MYLK: variants seen among roughly 807,000 people sequenced by gnomAD.
MYLK encodes the protein myosin light chain kinase, also known as myosin light chain kinase, smooth muscle.
Under a neutral mutation model 203.4 loss-of-function variants are expected in MYLK, and 106 were observed. That is an observed-to-expected ratio of 0.52 (90% CI 0.45 to 0.61). The LOEUF (loss-of-function observed/expected upper bound fraction) is 0.61. Ranked by LOEUF, MYLK falls within the 20% of genes least tolerant of loss-of-function variation. The pLI is 0.00. For synonymous variants in MYLK, 867 were observed against 959.5 expected (o/e 0.90, Z 1.78); for missense variants, 2,072 against 2,442.3 (o/e 0.85, Z 3.20).
At chr3:123,722,061 G>A in intron 13 of MYLK, 67 bp downstream of exon 13, 1 of 1,539,500 alleles carries the variant, frequency 6.5e-7, no homozygotes, top group Non-Finnish European at 8.8e-7. Context: ...CTACAAATGT[G>A]CCCTTCCTCC....
At chr3:123,675,921 T>A (rs1055600375) in intron 20 of MYLK, among the ~76,000 whole-genome samples, 1 of 152,216 alleles carries the variant, frequency 6.6e-6, no homozygotes, top group Non-Finnish European at 1.5e-5. Flanking sequence ...ATATTGGTCA[T>A]TTTCCCAGAA....
At chr3:123,674,246 C>T (rs1163888554) in intron 20 of MYLK, among the ~76,000 whole-genome samples, 2 of 152,210 alleles carry the variant, frequency 1.3e-5, no homozygotes, top group East Asian at 3.8e-4. Context: ...TCTACACCAA[C>T]TAAGTACCTC....
At chr3:123,795,285 G>C (rs1210873295) in intron 3 of MYLK, among the ~76,000 whole-genome samples, 2 of 152,158 alleles carry the variant, frequency 1.3e-5, no homozygotes, top group Non-Finnish European at 2.9e-5. Flanking sequence ...ATTGATGTAT[G>C]ACTTACATAA....
chr3:123,701,037 C>G (rs1333920809), intron 17 of MYLK, 32 bp from the exon 18 acceptor site: 8 of 1,598,134 alleles, frequency 5.0e-6, no homozygotes, highest in Non-Finnish European at 6.8e-6. Context: ...AGGAAAGTAG[C>G]AGGAGGAAAA....
At chr3:123,774,391 C>T (rs1012460152) in intron 4 of MYLK, among the ~76,000 whole-genome samples, 3 of 151,934 alleles carry the variant, frequency 2.0e-5, no homozygotes, top group Non-Finnish European at 2.9e-5. Flanking sequence ...CGGGGTTGGG[C>T]GTTCATTCTC....
At chr3:123,674,210 C>G (rs1248485371) in intron 20 of MYLK, among the ~76,000 whole-genome samples, 1 of 152,108 alleles carries the variant, frequency 6.6e-6, no homozygotes. Context: ...CCCTCCCTGC[C>G]CATATCCACT....
In MYLK at chr3:123,708,757, G is replaced by T. The variant is rs768309112; in HGVS notation, c.2081C>A (p.Thr694Asn). Residue 694 changes from threonine (T) to asparagine (N), a missense_variant, in exon 15 of 34, where the codon ACC becomes AAC. Physicochemically the swap from Thr to Asn is moderately conservative, Grantham distance 65 (BLOSUM62 0). Coordinates refer to ENST00000360304, the MANE Select transcript of MYLK (RefSeq NM_053025.4). ...EVFPEDTGTYTCEAWNSAGEV... is the reference protein window; with the variant it reads ...EVFPEDTGTYNCEAWNSAGEV... ...TCCAGCGCTGTTCCAGGCCTCGCAGGTGTACGTGCCCGTGTCCTCCGGGAA... is the reference window on the plus strand; with the variant it reads ...TCCAGCGCTGTTCCAGGCCTCGCAGTTGTACGTGCCCGTGTCCTCCGGGAA... 1 of 1,614,194 alleles carries T rather than the reference G, an allele frequency of 6.2e-7. No homozygotes were observed. The highest frequency in any genetic ancestry group is 8.5e-7 in the Non-Finnish European group (1 of 1,180,036).
chr3:123,648,917 G>T lies in MYLK; in HGVS notation c.4415+54C>A, dbSNP rs1490845730. 30 of 1,492,808 alleles carry T rather than the reference G, an allele frequency of 2.0e-5. No homozygotes were observed. The highest frequency in any genetic ancestry group is 2.4e-5 in the Non-Finnish European group (26 of 1,071,270). The allele number at this position is 1,492,808 out of a possible 1,614,324, so 92.5% of individuals were successfully genotyped here. On this transcript the variant is annotated intron_variant, in intron 26 of 33. Coordinates refer to ENST00000360304, the MANE Select transcript of MYLK (RefSeq NM_053025.4). The surrounding 1 kb of genome is among the most constrained non-coding windows in gnomAD (Gnocchi z 4.5). Reference sequence around the variant, plus strand: ...GCTGAGGCACTGAATCTAACTGTGAGACCCGCACCACCCTCACCCTGGGAG... The same window carrying T: ...GCTGAGGCACTGAATCTAACTGTGATACCCGCACCACCCTCACCCTGGGAG...
At chr3:123,772,531 T>C (rs1332912115) in intron 4 of MYLK, among the ~76,000 whole-genome samples, 1 of 152,100 alleles carries the variant, frequency 6.6e-6, no homozygotes, top group African/African-American at 2.4e-5. Flanking sequence ...ATGACACTAA[T>C]AGTGGAAAGC....
Position 123,629,535 on chromosome 3 carries a change from A to G in MYLK, c.5053T>C (p.Phe1685Leu), listed in dbSNP as rs781190664. ...TTGGCATCGTCGGAGATCTCATCGA[A>G]TGCCTCGTCGTCGAAGTCCCAGGTG... Reference protein sequence around the residue: ...SATWDFDDEAFDEISDDAKDF... With the variant: ...SATWDFDDEALDEISDDAKDF... The change falls in exon 30 of 34, where the codon TTC (phenylalanine) becomes CTC (leucine). Residue 1685 changes from phenylalanine (F) to leucine (L), a missense_variant. By Grantham distance (22) the Phe-to-Leu change is conservative. Coordinates refer to ENST00000360304, the MANE Select transcript of MYLK (RefSeq NM_053025.4). The surrounding 1 kb of genome is among the most constrained non-coding windows in gnomAD (Gnocchi z 4.4). 10 of 1,614,040 alleles carry G rather than the reference A, an allele frequency of 6.2e-6. No homozygotes were observed. Among genetic ancestry groups the G allele is most frequent in the Non-Finnish European group, 8.5e-6 (10 of 1,180,034 alleles).
Position 123,657,443 on chromosome 3 carries a change from G to A in MYLK, c.3986-15C>T. On this transcript the variant is annotated splice_polypyrimidine_tract_variant and intron_variant, in intron 23 of 33. Transcript: ENST00000360304. ...GTCTGGCTTATCTGGGGATAAAGAA[G>A]CACAACATCACCCACACTTTCCAGA... 4 of 1,612,260 alleles carry A rather than the reference G, an allele frequency of 2.5e-6. No homozygotes were observed. Among genetic ancestry groups the A allele is most frequent in the Non-Finnish European group, 3.4e-6 (4 of 1,179,782 alleles).
chr3:123,858,681 A>C (rs1324852394), intron 2 of MYLK, among the ~76,000 whole-genome samples: 1 of 152,002 alleles, frequency 6.6e-6, no homozygotes, highest in African/African-American at 2.4e-5. Flanking sequence ...TAACCTATTA[A>C]TCCATTAATC....
At chr3:123,767,600 C>CT (rs1255148124) in intron 4 of MYLK, among the ~76,000 whole-genome samples, 8 of 152,308 alleles carry the variant, frequency 5.3e-5, no homozygotes, top group African/African-American at 1.7e-4. Context: ...GGGTGAGACT[C>CT]TGTCTCAAAA....
intron 26 of MYLK, among the ~76,000 whole-genome samples, chr3:123,647,823 A>T (rs536877854): frequency 6.6e-6 from 1 of 151,924 alleles, no homozygotes; most frequent in Admixed American, 6.5e-5. Context: ...AAGTGCTGAG[A>T]TTACAAGCGT....
chr3:123,653,793 G>A (rs77031045), intron 24 of MYLK, among the ~76,000 whole-genome samples: 5,536 of 152,228 alleles, frequency 0.036, 310 homozygotes, highest in African/African-American at 0.12. Flanking sequence ...GGATTCTCCA[G>A]TCTCTCCCTC....
rs554651060 is a variant in MYLK at position 123,664,032 on chromosome 3, C to T, written c.3985+73G>A. The T allele has an allele frequency of 1.1e-5, 17 of 1,600,354 alleles. No homozygotes were observed. The South Asian group carries it at 1.7e-4, about 16-fold the overall frequency. ...ATAATGGGTGATGAAGTCCTGAGGC[C>T]CACGTATCTTGCCTGGGGGCTCCCT... On this transcript the variant is annotated intron_variant, in intron 23 of 33. Transcript: ENST00000360304.
chr3:123,727,836 A>G lies in MYLK; in HGVS notation c.1517-1758T>C, dbSNP rs142583988. Among the ~76,000 whole-genome samples the G allele has an allele frequency of 2.0e-4, 30 of 152,302 alleles. 1 individual carries two copies. The East Asian group carries it at 5.4e-3, about 27-fold the overall frequency. On this transcript the variant is annotated intron_variant, in intron 11 of 33. Coordinates refer to ENST00000360304, the MANE Select transcript of MYLK (RefSeq NM_053025.4). ...TGGTGAGAGAGTAAATCATTGTTAG[A>G]TCAGATCCTTGTGAAGATGGGAAGG...
At chr3:123,725,748 C>T (rs2062255201) in intron 12 of MYLK, among the ~76,000 whole-genome samples, 196 bp downstream of exon 12, 2 of 152,212 alleles carry the variant, frequency 1.3e-5, no homozygotes, top group South Asian at 4.1e-4. Context: ...GAACTCAAGG[C>T]TCAGACAGGA....
chr3:123,787,206 G>C (rs1440383253), intron 4 of MYLK, among the ~76,000 whole-genome samples: 2 of 152,196 alleles, frequency 1.3e-5, no homozygotes, highest in African/African-American at 4.8e-5. Flanking sequence ...GGAAGCATTA[G>C]GAAAGTAGCC....
Sources: allele counts gnomAD v4.1 joint callset (sites outside exome capture counted in the v4.1 genomes callset), GRCh38; gene constraint gnomAD v4.1.1; non-coding constraint Gnocchi (gnomAD v3.1); transcripts MANE v1.5; gene names NCBI Gene and HGNC (gene_info 2026-07-23, HGNC 2026-07-21).